Variants in SV2B observed in about 807,000 individuals in gnomAD.
SV2B encodes synaptic vesicle glycoprotein 2B.
In SV2B, 41 loss-of-function variants were observed where a neutral mutation model predicts 73.9. The ratio of observed to expected loss-of-function variants is 0.56; its 90% CI spans 0.43 to 0.72. The LOEUF (loss-of-function observed/expected upper bound fraction) is 0.72. SV2B is among the 30% of genes least tolerant of loss of function. SV2B has a pLI of 0.00. For missense variants in SV2B, 764 were observed against 857.8 expected (o/e 0.89, Z 1.37); for synonymous variants, 314 against 314.2 (o/e 1.00, Z 0.01).
intron 2 of SV2B, among the ~76,000 whole-genome samples, chr15:91,246,086 C>CAAAAAAA (rs1567386907): frequency 6.6e-6 from 1 of 151,282 alleles, no homozygotes; most frequent in African/African-American, 2.4e-5. Flanking sequence ...AAAAAAAATC[C>CAAAAAAA]CCCCTTCAAA....
intron 1 of SV2B, among the ~76,000 whole-genome samples, chr15:91,221,730 C>T (rs1181837397): frequency 6.7e-6 from 1 of 149,780 alleles, no homozygotes; most frequent in African/African-American, 2.4e-5. Context: ...CACACACGTG[C>T]ATACATGAAA....
intron 1 of SV2B, among the ~76,000 whole-genome samples, chr15:91,144,553 ATGTG>A (rs2043090597): frequency 6.6e-6 from 1 of 152,198 alleles, no homozygotes; most frequent in Non-Finnish European, 1.5e-5. Context: ...TTAATAATTG[ATGTG>A]TGCATCTTTT....
At chr15:91,217,068 G>T (rs991219785) in intron 1 of SV2B, among the ~76,000 whole-genome samples, 4 of 151,576 alleles carry the variant, frequency 2.6e-5, no homozygotes, top group African/African-American at 7.3e-5. Context: ...GTGGGGATGG[G>T]GTTTCGCCAT....
intron 1 of SV2B, among the ~76,000 whole-genome samples, chr15:91,149,879 A>G (rs2043258725): frequency 6.6e-6 from 1 of 152,304 alleles, no homozygotes. Context: ...TAATAATGGT[A>G]TAATTATATG....
chr15:91,147,091 T>C (rs16945263), intron 1 of SV2B, among the ~76,000 whole-genome samples: 16,880 of 152,250 alleles, frequency 0.11, 1,156 homozygotes, highest in African/African-American at 0.18. Flanking sequence ...CAGTGCCTAG[T>C]AACAATAGGA....
rs1567373467 is a variant in SV2B, at chr15:91,234,410, G to A, written c.451+7696G>A. 1.3e-5 allele frequency among the ~76,000 whole-genome samples: 2 copies of A among 152,180 alleles called. No homozygotes were observed. The highest frequency in any genetic ancestry group is 2.9e-5 in the Non-Finnish European group (2 of 68,028). On this transcript the variant is annotated intron_variant, in intron 2 of 12. Coordinates refer to ENST00000394232, the MANE Select transcript of SV2B (RefSeq NM_001323032.3). This position sits in a 1 kb window ranked among gnomAD's most constrained non-coding sequence, Gnocchi z 5.6. ...GCAGTGGGAATAATTGGATCCCAGG[G>A]TGCAAGGGCCAAGTGGTGGCACTCA...
rs1260234069 is a variant in SV2B at position 91,110,994 on chromosome 15, C to T, written c.-392+10631C>T. ...GTAGATGAGAAAGGGTATATGAAAA[C>T]ACGGTGGGGTGCTGAGCCAGCTTCT... On this transcript the variant is annotated intron_variant, in intron 1 of 12. Transcript: ENST00000394232. This position sits in a 1 kb window ranked among gnomAD's most constrained non-coding sequence, Gnocchi z 5.4. 6.6e-6 allele frequency among the ~76,000 whole-genome samples: 1 copy of T among 152,116 alleles called. No individual in the cohort carries two copies. Among genetic ancestry groups the T allele is most frequent in the Non-Finnish European group, 1.5e-5 (1 of 68,020 alleles).
chr15:91,224,837 C>G lies in SV2B; in HGVS notation c.-391-1036C>G, dbSNP rs149317888. On this transcript the variant is annotated intron_variant, in intron 1 of 12. Coordinates refer to ENST00000394232, the MANE Select transcript of SV2B (RefSeq NM_001323032.3). This position sits in a 1 kb window ranked among gnomAD's most constrained non-coding sequence, Gnocchi z 4.9. ...GGCCACAATAAATGGTGGCCCCAAG[C>G]CTTGTGAAACCTGAGATTCTAGGCA... is the stretch of plus-strand genomic sequence containing the variant. 2.0e-5 allele frequency among the ~76,000 whole-genome samples: 3 copies of G among 152,142 alleles called. No individual in the cohort carries two copies.
In SV2B at chr15:91,128,213, T is replaced by G. The variant is rs1026701286; in HGVS notation, c.-392+27850T>G. Among the ~76,000 whole-genome samples the G allele has an allele frequency of 3.3e-5, 5 of 152,098 alleles. No homozygotes were observed. Among genetic ancestry groups the G allele is most frequent in the African/African-American group, 1.2e-4 (5 of 41,418 alleles). The stretch of plus-strand genomic sequence containing the variant: ...ATTTTCAGTCCCTCCTGGGAGCTGT[T>G]TTCACCCTCTTCCACCAGTGAGTCA... On this transcript the variant is annotated intron_variant, in intron 1 of 12. Transcript: ENST00000394232. The surrounding 1 kb of genome is among the most constrained non-coding windows in gnomAD (Gnocchi z 4.2).
Position 91,292,432 on chromosome 15 carries a change from C to T in SV2B, c.1932C>T (p.Ile644=). ...TTGGCGCCATCCTGGGAAACACCAT[C>T]TTTGCTTCTTTTGTTGGGATAACCA... ...CKFGAILGNT[I]FASFVGITKV... The change falls in exon 13 of 13, where the codon ATC becomes ATT. Residue 644 remains isoleucine, a synonymous_variant. Transcript: ENST00000394232. 2 of 1,614,200 alleles carry T rather than the reference C, an allele frequency of 1.2e-6. No homozygotes were observed. Among genetic ancestry groups the T allele is most frequent in the African/African-American group, 2.7e-5 (2 of 75,044 alleles).
rs2049404901 is a variant in SV2B at position 91,300,419 on chromosome 15, A to C, written c.*7867A>C. The C allele has an allele frequency of 6.6e-6, 1 of 152,214 alleles. No homozygotes were observed. The allele number at this position is 152,214 out of a possible 1,614,324, so 9.4% of individuals were successfully genotyped here. On this transcript the variant is annotated 3_prime_UTR_variant, in exon 13 of 13. Transcript: ENST00000394232. ...ATTAAGGTGCAGGGAAGGGCTCTTA[A>C]AAGTTTAATGTTTCAGCTTTCCATA...
intron 9 of SV2B, among the ~76,000 whole-genome samples, chr15:91,270,753 C>T (rs2048265226): frequency 6.8e-6 from 1 of 146,764 alleles, no homozygotes; most frequent in Non-Finnish European, 1.5e-5. Flanking sequence ...GAAACAGGGG[C>T]TGAAGAAAGC....
chr15:91,154,714 A>G (rs1318660672), intron 1 of SV2B, among the ~76,000 whole-genome samples: 3 of 152,216 alleles, frequency 2.0e-5, no homozygotes, highest in Admixed American at 6.5e-5. Context: ...ACGTGATGAC[A>G]GAAGTAGAGA....
At chr15:91,254,047 G>C (rs779164530) in intron 4 of SV2B, among the ~76,000 whole-genome samples, 14 of 152,094 alleles carry the variant, frequency 9.2e-5, no homozygotes, top group Non-Finnish European at 1.9e-4. Context: ...GCTACTGTCA[G>C]GTTCTGCAAG....
intron 1 of SV2B, among the ~76,000 whole-genome samples, chr15:91,150,960 T>C (rs2043297413): frequency 6.6e-6 from 1 of 152,172 alleles, no homozygotes; most frequent in African/African-American, 2.4e-5. Flanking sequence ...GAGACTCATA[T>C]GATTATGATG....
At chr15:91,217,796 T>G (rs770963588) in intron 1 of SV2B, among the ~76,000 whole-genome samples, 1 of 152,252 alleles carries the variant, frequency 6.6e-6, no homozygotes, top group Non-Finnish European at 1.5e-5. Flanking sequence ...ATCCCTCGCT[T>G]GAGAGGCGAG....
chr15:91,213,595 A>G (rs551575315), intron 1 of SV2B, among the ~76,000 whole-genome samples: 1 of 152,296 alleles, frequency 6.6e-6, no homozygotes, highest in African/African-American at 2.4e-5. Flanking sequence ...CCAAATGTCC[A>G]TAATTCATCT....
In SV2B at chr15:91,302,486, A is replaced by C. The variant is rs572294708; in HGVS notation, c.*9934A>C. On this transcript the variant is annotated 3_prime_UTR_variant, in exon 13 of 13. Transcript: ENST00000394232. ...CATTTCGGTATTTTAACAAGTATGA[A>C]AGTAGCTATGTGAATTTGCCAAATA... Among the ~76,000 whole-genome samples, 18 of 152,222 alleles carry C rather than the reference A, an allele frequency of 1.2e-4. No homozygotes were observed. The highest frequency in any genetic ancestry group is 2.1e-4 in the South Asian group (1 of 4,822).
Position 91,252,314 on chromosome 15 carries a change from T to C in SV2B, c.633-55T>C, listed in dbSNP as rs2047518043. The C allele has an allele frequency of 6.4e-7, 1 of 1,556,386 alleles. No individual in the cohort carries two copies. Among genetic ancestry groups the C allele is most frequent in the African/African-American group, 1.4e-5 (1 of 73,114 alleles). On this transcript the variant is annotated intron_variant, in intron 3 of 12. Coordinates refer to ENST00000394232, the MANE Select transcript of SV2B (RefSeq NM_001323032.3). The surrounding 1 kb of genome is among the most constrained non-coding windows in gnomAD (Gnocchi z 4.6). Reference sequence around the variant, plus strand: ...GGTATAGGCAACTTGGTTTCTGCTGTGACCATTTTTAGTGTATGACTTGAT... The same window carrying C: ...GGTATAGGCAACTTGGTTTCTGCTGCGACCATTTTTAGTGTATGACTTGAT...
Sources: allele counts gnomAD v4.1 joint callset (sites outside exome capture counted in the v4.1 genomes callset), GRCh38; gene constraint gnomAD v4.1.1; non-coding constraint Gnocchi (gnomAD v3.1); transcripts MANE v1.5; gene names NCBI Gene and HGNC (gene_info 2026-07-23, HGNC 2026-07-21).